Variants in PUS10 observed in about 807,000 individuals in gnomAD.
The protein encoded by PUS10 is pseudouridine synthase 10, also known as tRNA pseudouridine synthase Pus10.
A neutral mutation model predicts 75.0 loss-of-function variants in PUS10; 59 were observed. That is an observed-to-expected ratio of 0.79 (90% confidence interval 0.64 to 0.98). The LOEUF is 0.98. PUS10 is among the 50% of genes least tolerant of loss of function. The pLI, the probability that PUS10 is intolerant of heterozygous loss-of-function variation, is 0.00. For missense variants in PUS10, 650 were observed against 614.4 expected (o/e 1.06, Z -0.61); for synonymous variants, 219 against 211.6 (o/e 1.03, Z -0.30).
chr2:60,952,334 C>CAAAAAAAAAAAA (rs78551218), intron 15 of PUS10, among the ~76,000 whole-genome samples: 4 of 100,442 alleles, frequency 4.0e-5, no homozygotes, highest in Admixed American at 1.1e-4. Context: ...GACTCTGTCT[C>CAAAAAAAAAAAA]AAAAAAAAAA....
Position 60,948,200 on chromosome 2 carries a change from GAC to G in PUS10, c.1309-17_1309-16del, listed in dbSNP as rs1675109282. 6.2e-7 allele frequency: 1 copy of G among 1,613,664 alleles called. No homozygotes were observed. The highest frequency in any genetic ancestry group is 1.1e-5 in the South Asian group (1 of 91,044). ...ATTTTTAAGTCCTAGGGGAGAATAT[GAC>G]ACACAGTCCCAGAGTCAGAGCTTTG... is the stretch of plus-strand genomic sequence containing the variant. On this transcript the variant is annotated splice_polypyrimidine_tract_variant and intron_variant, in intron 15 of 17. Transcript: ENST00000316752.
At chr2:60,994,860 A>C (rs1678345595) in intron 4 of PUS10, among the ~76,000 whole-genome samples, 1 of 152,230 alleles carries the variant, frequency 6.6e-6, no homozygotes, top group South Asian at 2.1e-4. Flanking sequence ...AGGCTGAAGC[A>C]GGCGGATCAC....
At chr2:60,965,125 T>C in intron 7 of PUS10, 22 bp from the exon 8 acceptor site, 1 of 1,604,458 alleles carries the variant, frequency 6.2e-7, no homozygotes, top group Non-Finnish European at 8.5e-7. Context: ...TTCAAGTTAA[T>C]ATAAAAGGTT....
intron 1 of PUS10, 142 bp from the exon 2 acceptor site, chr2:61,012,047 C>A: frequency 2.1e-6 from 1 of 473,906 alleles, no homozygotes; most frequent in Non-Finnish European, 3.5e-6. Flanking sequence ...TCATTACACA[C>A]ATATTATAAA....
At chr2:61,009,095 CAT>C in intron 2 of PUS10, 80 bp from the exon 3 acceptor site, 2 of 1,309,664 alleles carry the variant, frequency 1.5e-6, no homozygotes, top group South Asian at 1.5e-5. Context: ...AACAAGAAAA[CAT>C]GAGTGAAAAT....
intron 11 of PUS10, among the ~76,000 whole-genome samples, chr2:60,955,441 T>C (rs1172222274): frequency 6.6e-6 from 1 of 152,104 alleles, no homozygotes; most frequent in Non-Finnish European, 1.5e-5. Context: ...TCAATCCTCT[T>C]GTCTCAGCCT....
At chr2:60,988,784 C>T (rs530125248) in intron 4 of PUS10, among the ~76,000 whole-genome samples, 17 of 151,540 alleles carry the variant, frequency 1.1e-4, no homozygotes, top group South Asian at 4.2e-4. Context: ...TACAAGTGCG[C>T]GCCACCATAC....
chr2:60,962,008 A>C (rs548674216), intron 9 of PUS10, among the ~76,000 whole-genome samples: 1 of 152,350 alleles, frequency 6.6e-6, no homozygotes, highest in South Asian at 2.1e-4. Flanking sequence ...GTAATATTTT[A>C]TTTAATAAAA....
At chr2:61,011,735 TGA>T in intron 2 of PUS10, 28 bp downstream of exon 2, 2 of 1,324,036 alleles carry the variant, frequency 1.5e-6, no homozygotes, top group Non-Finnish European at 2.0e-6. Context: ...TCTCTTAATT[TGA>T]AAAAAAAAAA....
intron 2 of PUS10, 28 bp from the exon 3 acceptor site, chr2:61,009,043 T>C: frequency 6.3e-7 from 1 of 1,586,464 alleles, no homozygotes; most frequent in Non-Finnish European, 8.6e-7. Context: ...GAAAAAGTAA[T>C]GACCCACTGA....
chr2:60,942,557 G>T (rs1424603918), intron 17 of PUS10, 124 bp from the exon 18 acceptor site: 1 of 753,604 alleles, frequency 1.3e-6, no homozygotes, highest in African/African-American at 1.8e-5. Flanking sequence ...TTGAAGAAAA[G>T]AGCTATTGAA....
rs536100464 is a variant in PUS10, at chr2:60,962,717, C to T, written c.788+109G>A. ...AGATAACAATGACTAAGACACAATC[C>T]TGGCCCCTGAAATACATCATCTTGT... On this transcript the variant is annotated intron_variant, in intron 9 of 17. Coordinates refer to ENST00000316752, the MANE Select transcript of PUS10 (RefSeq NM_144709.4). 8 of 1,458,724 alleles carry T rather than the reference C, an allele frequency of 5.5e-6. No individual in the cohort carries two copies. The African/African-American group carries it at 8.8e-5, about 16-fold the overall frequency. 90.4% of individuals were successfully genotyped at this position (1,458,724 alleles called of 1,614,324 possible).
At chr2:60,978,845 A>G (rs1677203500) in intron 4 of PUS10, among the ~76,000 whole-genome samples, 2 of 152,218 alleles carry the variant, frequency 1.3e-5, no homozygotes, top group South Asian at 2.1e-4. Context: ...AGTGATGATA[A>G]AGTGTAGGCA....
intron 12 of PUS10, 22 bp from the exon 13 acceptor site, chr2:60,954,180 T>A (rs371990833): frequency 1.2e-6 from 2 of 1,612,760 alleles, no homozygotes; most frequent in East Asian, 4.5e-5. Context: ...CACCCCGTCA[T>A]GAAACAGAAA....
At chr2:60,943,350 T>C (rs985556323) in intron 17 of PUS10, among the ~76,000 whole-genome samples, 11 of 152,148 alleles carry the variant, frequency 7.2e-5, no homozygotes, top group Admixed American at 1.3e-4. Flanking sequence ...TTTATTTTGT[T>C]CTTCTAGGAC....
At chr2:60,958,113 C>T (rs183313550) in intron 11 of PUS10, among the ~76,000 whole-genome samples, 325 of 152,366 alleles carry the variant, frequency 2.1e-3, no homozygotes, top group Non-Finnish European at 3.8e-3. Flanking sequence ...GCCCACCACT[C>T]ATCCGCCCAC....
intron 4 of PUS10, among the ~76,000 whole-genome samples, chr2:60,981,439 C>T (rs1368510678): frequency 6.6e-6 from 1 of 151,640 alleles, no homozygotes; most frequent in Non-Finnish European, 1.5e-5. Flanking sequence ...CCCGCCACCA[C>T]ATCTAGCTAA....
intron 4 of PUS10, among the ~76,000 whole-genome samples, chr2:60,988,049 A>G (rs1164149679): frequency 6.6e-6 from 1 of 152,084 alleles, no homozygotes; most frequent in Non-Finnish European, 1.5e-5. Flanking sequence ...AGATCGTACC[A>G]CTGCACTCCA....
Position 61,006,612 on chromosome 2 carries a change from T to C in PUS10, c.413A>G (p.Glu138Gly). 6.2e-7 allele frequency: 1 copy of C among 1,613,470 alleles called. No individual in the cohort carries two copies. Among genetic ancestry groups the C allele is most frequent in the African/African-American group, 1.3e-5 (1 of 74,990 alleles). ...VCQKVEASGF[E>G]FTSLVFSVSF... ...GACTGAAAATACCAAGCTGGTGAAT[T>C]CAAACCCAGAGGCCTCAACCTTTTG... Residue 138 changes from glutamate (E) to glycine (G), a missense_variant, in exon 4 of 18, where the codon GAA (glutamate) becomes GGA (glycine). Coordinates refer to ENST00000316752, the MANE Select transcript of PUS10 (RefSeq NM_144709.4).
Sources: gnomAD v4.1 joint callset for allele counts (sites outside exome capture counted in the v4.1 genomes callset) on GRCh38, gnomAD v4.1.1 for gene constraint, MANE v1.5 for transcripts, NCBI Gene and HGNC (gene_info 2026-07-23, HGNC 2026-07-21) for gene names.